Variants in IFT56 observed in about 807,000 individuals in gnomAD.
The protein encoded by IFT56 is intraflagellar transport 56, also known as intraflagellar transport protein 56.
the IFT56 span, among the ~76,000 whole-genome samples, chr7:139,160,671 T>C: frequency 2.6e-5 from 4 of 152,140 alleles, no homozygotes; most frequent in Non-Finnish European, 5.9e-5. Context: ...CTGTTGACTT[T>C]GTGATCCGCC....
At chr7:139,180,438 A>T in the IFT56 span, among the ~76,000 whole-genome samples, 1 of 151,700 alleles carries the variant, frequency 6.6e-6, no homozygotes, top group Non-Finnish European at 1.5e-5. Context: ...GGCCAGGCAC[A>T]GTTGCTCACA....
At chr7:139,152,720 A>G in the IFT56 span, among the ~76,000 whole-genome samples, 1 of 152,226 alleles carries the variant, frequency 6.6e-6, no homozygotes, top group Non-Finnish European at 1.5e-5. Context: ...AGTTTTATTT[A>G]TATATGGCTT....
the IFT56 span, among the ~76,000 whole-genome samples, chr7:139,143,046 AT>A: frequency 6.6e-6 from 1 of 152,124 alleles, no homozygotes; most frequent in Non-Finnish European, 1.5e-5. Flanking sequence ...GTTTTATAGC[AT>A]TCCACCAAAT....
chr7:139,153,743 A>G, the IFT56 span, among the ~76,000 whole-genome samples: 5 of 152,298 alleles, frequency 3.3e-5, no homozygotes, highest in African/African-American at 1.2e-4. Context: ...GTTGATAGAC[A>G]CTTGTGTTGT....
the IFT56 span, among the ~76,000 whole-genome samples, chr7:139,142,945 A>T: frequency 1.3e-5 from 2 of 152,174 alleles, no homozygotes; most frequent in East Asian, 1.9e-4. Flanking sequence ...GAATTGCTGT[A>T]TGGTAATAAT....
At chr7:139,146,477 G>A in the IFT56 span, among the ~76,000 whole-genome samples, 1 of 152,124 alleles carries the variant, frequency 6.6e-6, no homozygotes, top group African/African-American at 2.4e-5. Flanking sequence ...AGATATGAAA[G>A]AACAGATTGG....
the IFT56 span, among the ~76,000 whole-genome samples, chr7:139,150,754 T>G: frequency 1.3e-5 from 2 of 152,238 alleles, no homozygotes; most frequent in Non-Finnish European, 2.9e-5. Flanking sequence ...CATCCTGCTT[T>G]TCTAAAGTAA....
chr7:139,189,296 T>G, the IFT56 span: 4 of 1,484,812 alleles, frequency 2.7e-6, no homozygotes, highest in Non-Finnish European at 3.7e-6. Context: ...TTGAAACACT[T>G]TGTCTTTTCA....
At chr7:139,139,092 G>C in the IFT56 span, among the ~76,000 whole-genome samples, 3 of 152,160 alleles carry the variant, frequency 2.0e-5, no homozygotes, top group African/African-American at 7.2e-5. Flanking sequence ...GATTACAGGC[G>C]TGAGCCACTG....
At chr7:139,174,329 G>A in the IFT56 span, 1 of 544,748 alleles carries the variant, frequency 1.8e-6, no homozygotes, top group Non-Finnish European at 3.7e-6. Context: ...CTGGAGGAGA[G>A]ATTTAACATG....
At chr7:139,181,042 G>A in the IFT56 span, 4 of 1,155,082 alleles carry the variant, frequency 3.5e-6, no homozygotes, top group South Asian at 1.3e-5. Flanking sequence ...AATTATTTTT[G>A]TACAGTAAAA....
chr7:139,158,032 G>A, the IFT56 span, among the ~76,000 whole-genome samples: 4 of 152,008 alleles, frequency 2.6e-5, no homozygotes, highest in Admixed American at 6.6e-5. Context: ...ATACCTACCC[G>A]GCCAGGCACA....
chr7:139,157,911 T>C, the IFT56 span, among the ~76,000 whole-genome samples: 4 of 152,158 alleles, frequency 2.6e-5, no homozygotes, highest in African/African-American at 7.2e-5. Flanking sequence ...AAGTAAGATA[T>C]CTAGTCATTC....
the IFT56 span, among the ~76,000 whole-genome samples, chr7:139,157,797 T>C: frequency 6.6e-6 from 1 of 152,166 alleles, no homozygotes; most frequent in Non-Finnish European, 1.5e-5. Flanking sequence ...TAAGCCACCA[T>C]GCTTTGCCTT....
At chr7:139,185,991 A>G in the IFT56 span, among the ~76,000 whole-genome samples, 2 of 152,066 alleles carry the variant, frequency 1.3e-5, no homozygotes, top group Non-Finnish European at 2.9e-5. Context: ...CTAAGCTAAG[A>G]AGGCTGTCTT....
the IFT56 span, among the ~76,000 whole-genome samples, chr7:139,160,222 A>G: frequency 2.0e-5 from 3 of 152,178 alleles, no homozygotes; most frequent in African/African-American, 7.2e-5. Flanking sequence ...TTATCCAGAA[A>G]AGCTTAGCAA....
the IFT56 span, among the ~76,000 whole-genome samples, chr7:139,185,738 G>C: frequency 6.6e-6 from 1 of 151,954 alleles, no homozygotes; most frequent in Non-Finnish European, 1.5e-5. Flanking sequence ...AGTGTTTACA[G>C]TATTTTCACA....
the IFT56 span, chr7:139,173,369 C>T: frequency 2.2e-4 from 108 of 488,738 alleles, no homozygotes; most frequent in Non-Finnish European, 3.1e-4. Flanking sequence ...CTGGGGATTA[C>T]AGGCTCCTGC....
the IFT56 span, among the ~76,000 whole-genome samples, chr7:139,171,875 G>T: frequency 6.6e-6 from 1 of 152,082 alleles, no homozygotes; most frequent in Non-Finnish European, 1.5e-5. Flanking sequence ...TTACAGAAAG[G>T]TAGCCATAAC....
Sources: allele counts gnomAD v4.1 joint callset (sites outside exome capture counted in the v4.1 genomes callset), GRCh38; gene constraint gnomAD v4.1.1; transcripts MANE v1.5; gene names NCBI Gene and HGNC (gene_info 2026-07-23, HGNC 2026-07-21).